VDAC1: variants seen among roughly 807,000 people sequenced by gnomAD.
The protein encoded by VDAC1 is voltage dependent anion channel 1.
In VDAC1, 10 loss-of-function variants were observed where a neutral mutation model predicts 34.7. The ratio of observed to expected loss-of-function variants is 0.29; its 90% CI spans 0.18 to 0.49. The LOEUF is 0.49. VDAC1 is among the 20% of genes least tolerant of loss of function. The pLI is 0.99. For synonymous variants in VDAC1, 130 were observed against 136.0 expected, an observed-to-expected ratio of 0.96 and a Z score of 0.30; for missense variants, 230 against 347.9, an observed-to-expected ratio of 0.66 and a Z score of 2.69.
rs777178379 is a variant in VDAC1 at position 133,990,900 on chromosome 5, C to T, written c.278G>A (p.Arg93His). 19 of 1,579,724 alleles carry T rather than the reference C, an allele frequency of 1.2e-5. No homozygotes were observed. The highest frequency in any genetic ancestry group is 2.2e-5 in the East Asian group (1 of 44,646). Residue 93 changes from arginine (R) to histidine (H), a missense_variant, in exon 5 of 9, where the codon CGT becomes CAT. Arg to His is a conservative substitution (Grantham distance 29, BLOSUM62 0). Transcript: ENST00000265333. The stretch of plus-strand genomic sequence containing the variant: ...TGAATCGAAGGTCAGCTTCAGTCCA[C>T]GTGCAAGCTGAACAGAAAAGAAATT... ...TEITVEDQLA[R>H]GLKLTFDSSF...
intron 7 of VDAC1, 123 bp downstream of exon 7, chr5:133,975,747 CG>C: frequency 2.7e-6 from 4 of 1,455,634 alleles, no homozygotes; most frequent in Non-Finnish European, 2.8e-6. Context: ...GCGTGAGTCA[CG>C]GCGCCCAGCA....
the VDAC1 span, among the ~76,000 whole-genome samples, chr5:134,023,802 C>T: frequency 4.6e-5 from 7 of 151,964 alleles, no homozygotes; most frequent in African/African-American, 7.3e-5. Flanking sequence ...AAGACTGTCA[C>T]GGAAGGCCTC....
chr5:134,022,198 T>G, the VDAC1 span, among the ~76,000 whole-genome samples: 2 of 152,192 alleles, frequency 1.3e-5, no homozygotes, highest in Non-Finnish European at 2.9e-5. Flanking sequence ...TGATCTTACA[T>G]AATATCGTGA....
chr5:134,035,082 G>A, the VDAC1 span, among the ~76,000 whole-genome samples: 1 of 151,960 alleles, frequency 6.6e-6, no homozygotes, highest in Non-Finnish European at 1.5e-5. Context: ...CCCAGATCTC[G>A]GTTTCCAAGC....
chr5:134,101,921 C>A, the VDAC1 span, among the ~76,000 whole-genome samples: 1 of 152,226 alleles, frequency 6.6e-6, no homozygotes, highest in Admixed American at 6.5e-5. Flanking sequence ...AGACACCCTT[C>A]TAGGAGTCAT....
At chr5:134,017,661 C>A in the VDAC1 span, among the ~76,000 whole-genome samples, 1 of 152,152 alleles carries the variant, frequency 6.6e-6, no homozygotes, top group Non-Finnish European at 1.5e-5. Flanking sequence ...CGCTTGTAAT[C>A]CCAGCACTTT....
At chr5:134,028,598 C>T in the VDAC1 span, among the ~76,000 whole-genome samples, 1 of 152,200 alleles carries the variant, frequency 6.6e-6, no homozygotes, top group Non-Finnish European at 1.5e-5. Context: ...AGTCATCTAA[C>T]AATGCTCAGC....
chr5:134,060,819 G>A, the VDAC1 span, among the ~76,000 whole-genome samples: 1 of 149,416 alleles, frequency 6.7e-6, no homozygotes, highest in African/African-American at 2.5e-5. Flanking sequence ...TTCAACAAAT[G>A]AAAACGATAT....
the VDAC1 span, among the ~76,000 whole-genome samples, chr5:134,021,900 C>T: frequency 7.6e-6 from 1 of 130,798 alleles, no homozygotes; most frequent in African/African-American, 2.8e-5. Flanking sequence ...TTTTTTGAGA[C>T]GGAGTCTCAC....
chr5:134,014,926 G>A, the VDAC1 span, among the ~76,000 whole-genome samples: 14 of 152,132 alleles, frequency 9.2e-5, no homozygotes, highest in African/African-American at 2.9e-4. Context: ...TTGTCACAGC[G>A]TGATTCACAA....
At chr5:134,015,447 A>C in the VDAC1 span, among the ~76,000 whole-genome samples, 1 of 152,220 alleles carries the variant, frequency 6.6e-6, no homozygotes, top group Non-Finnish European at 1.5e-5. Flanking sequence ...CTTCTGGAAC[A>C]TTGATCTTAA....
rs1015265478 is a variant in VDAC1 at position 133,972,038 on chromosome 5, TTGAG to T, written c.*729_*732del. On this transcript the variant is annotated 3_prime_UTR_variant, in exon 9 of 9. Transcript: ENST00000265333. ...ACCCATTAAACTGCTAAAAAACAAA[TTGAG>T]TGGTGAGAATACAACAGAAGTCCAA... The T allele has an allele frequency of 3.3e-5, 5 of 152,582 alleles. No homozygotes were observed. Among genetic ancestry groups the T allele is most frequent in the Admixed American group, 1.3e-4 (2 of 15,268 alleles). The allele number at this position is 152,582 out of a possible 1,614,324, so 9.5% of individuals were successfully genotyped here. A position where few individuals can be genotyped will look rare whatever the true frequency, so the allele number is the denominator to read the frequency against.
chr5:134,095,820 T>C, the VDAC1 span, among the ~76,000 whole-genome samples: 1 of 152,206 alleles, frequency 6.6e-6, no homozygotes, highest in Non-Finnish European at 1.5e-5. Flanking sequence ...CCAGCCCCAC[T>C]GTAAATGCTC....
At chr5:134,038,873 ATT>A in the VDAC1 span, among the ~76,000 whole-genome samples, 1 of 103,510 alleles carries the variant, frequency 9.7e-6, no homozygotes, top group Non-Finnish European at 1.8e-5. Context: ...AAATGTTATC[ATT>A]GAGATAGACA....
At chr5:134,105,433 A>ACTG in the VDAC1 span, among the ~76,000 whole-genome samples, 14 of 152,302 alleles carry the variant, frequency 9.2e-5, no homozygotes, top group East Asian at 2.7e-3. Context: ...CGCAGTTTCC[A>ACTG]CGTCTGTAAA....
chr5:134,046,490 C>T, the VDAC1 span, among the ~76,000 whole-genome samples: 1 of 152,118 alleles, frequency 6.6e-6, no homozygotes, highest in Non-Finnish European at 1.5e-5. Flanking sequence ...TTAATGTATT[C>T]ACATCTGCAA....
the VDAC1 span, among the ~76,000 whole-genome samples, chr5:134,104,424 C>T: frequency 6.6e-6 from 1 of 152,174 alleles, no homozygotes; most frequent in African/African-American, 2.4e-5. Flanking sequence ...GGGTCTTGTA[C>T]GTGCAGGGCG....
At chr5:134,000,779 T>C (rs1753519456) in intron 1 of VDAC1, among the ~76,000 whole-genome samples, 1 of 152,266 alleles carries the variant, frequency 6.6e-6, no homozygotes, top group Non-Finnish European at 1.5e-5. Context: ...TGGCTGGCGC[T>C]TGGTAAGCAG....
chr5:134,061,234 C>A, the VDAC1 span, among the ~76,000 whole-genome samples: 1 of 150,054 alleles, frequency 6.7e-6, no homozygotes. Context: ...ATCCTCCATC[C>A]TGTTCTTCCT....
Sources: allele counts gnomAD v4.1 joint callset (sites outside exome capture counted in the v4.1 genomes callset), GRCh38; gene constraint gnomAD v4.1.1; transcripts MANE v1.5; gene names NCBI Gene and HGNC (gene_info 2026-07-23, HGNC 2026-07-21).